ACTR3B: variants seen among roughly 807,000 people sequenced by gnomAD.
ACTR3B encodes the protein actin-related protein 3B.
A neutral mutation model predicts 59.0 loss-of-function variants in ACTR3B; 8 were observed. That is an observed-to-expected ratio of 0.14 (90% confidence interval 0.08 to 0.24). The LOEUF (loss-of-function observed/expected upper bound fraction) is 0.24, where lower values mean the gene tolerates loss of function less well. ACTR3B is among the 10% of genes least tolerant of loss of function. The pLI, the probability that ACTR3B is intolerant of heterozygous loss-of-function variation, is 1.00. For missense variants in ACTR3B, 245 were observed against 552.3 expected (o/e 0.44, Z 5.58); for synonymous variants, 148 against 197.9 (o/e 0.75, Z 2.12).
At position 152,846,399 on chromosome 7, in the gene ACTR3B, G is replaced by A. The variant is rs533064928; in HGVS notation, c.952-5727G>A. Reference sequence around the variant, plus strand: ...AGTCTGTAGTGAGCCCTAGTGCCCGGGGCTGTAGTCTGCAGTGAGCTCTAG... The same window carrying A: ...AGTCTGTAGTGAGCCCTAGTGCCCGAGGCTGTAGTCTGCAGTGAGCTCTAG... On this transcript the variant is annotated intron_variant, in intron 9 of 11. Coordinates refer to ENST00000256001, the MANE Select transcript of ACTR3B (RefSeq NM_020445.6). Among the ~76,000 whole-genome samples the A allele has an allele frequency of 1.2e-3, 168 of 145,424 alleles. 2 individuals are homozygous for A. Among genetic ancestry groups the A allele is most frequent in the African/African-American group, 4.0e-3 (157 of 39,074 alleles).
At chr7:152,800,740 C>T (rs989187274) in intron 3 of ACTR3B, 85 bp downstream of exon 3, 149 of 1,473,722 alleles carry the variant, frequency 1.0e-4, no homozygotes, top group Middle Eastern at 1.9e-4. Flanking sequence ...GTTGTATTTG[C>T]GAGTTGTAGA....
Position 152,854,432 on chromosome 7 carries a change from TTCTG to T in ACTR3B, c.1162-21_1162-18del. ...TGACTTTCTTCTGAAATGAGTGTCT[TTCTG>T]TCTGCCTGTTGCCTCTCGTAGCCCG... On this transcript the variant is annotated intron_variant, in intron 11 of 11. Coordinates refer to ENST00000256001, the MANE Select transcript of ACTR3B (RefSeq NM_020445.6). This position sits in a 1 kb window ranked among gnomAD's most constrained non-coding sequence, Gnocchi z 4.9. The T allele has an allele frequency of 6.2e-7, 1 of 1,603,662 alleles. No individual in the cohort carries two copies. Among genetic ancestry groups the T allele is most frequent in the East Asian group, 2.2e-5 (1 of 44,820 alleles).
intron 9 of ACTR3B, among the ~76,000 whole-genome samples, chr7:152,834,919 G>C (rs1797323210): frequency 6.6e-6 from 1 of 152,198 alleles, no homozygotes; most frequent in South Asian, 2.1e-4. Context: ...GTGGGCTGTG[G>C]GAGGGAATGA....
In ACTR3B at chr7:152,759,911, T is replaced by C; in HGVS notation, c.29T>C (p.Val10Ala). ...GCAGGCTCCCTGCCTCCCTGCGTGG[T>C]GGACTGTGGCACCGGGTAAGAGCAG... The part of the protein sequence containing the change: MAGSLPPCV[V>A]DCGTGYTKLG... Residue 10 changes from valine to alanine, a missense_variant, in exon 1 of 12, where the codon GTG becomes GCG. This residue lies in a region of ACTR3B where 15 missense variants were observed against 20.6 expected (regional missense o/e 0.73). Coordinates refer to ENST00000256001, the MANE Select transcript of ACTR3B (RefSeq NM_020445.6). 1.4e-6 allele frequency: 2 copies of C among 1,394,924 alleles called. No individual in the cohort carries two copies. The highest frequency in any genetic ancestry group is 1.9e-6 in the Non-Finnish European group (2 of 1,066,118). The allele number at this position is 1,394,924 out of a possible 1,614,324, so 86.4% of individuals were successfully genotyped here.
At position 152,854,516 on chromosome 7, in the gene ACTR3B, T is replaced by C; in HGVS notation, c.1220T>C (p.Ile407Thr). ...GACTATGAAGAGTACGGGCCCAGCA[T>C]CTGCCGCCACAACCCCGTCTTTGGA... is the stretch of plus-strand genomic sequence containing the variant. ...KKDYEEYGPS[I>T]CRHNPVFGVM... The change falls in exon 12 of 12, where the codon ATC (isoleucine) becomes ACC (threonine). Residue 407 changes from isoleucine to threonine, a missense_variant. Around this residue, in one of 7 missense-constraint regions of ACTR3B, gnomAD observed 153 missense variants for 266.2 expected, o/e 0.57. Transcript: ENST00000256001. The surrounding 1 kb of genome is among the most constrained non-coding windows in gnomAD (Gnocchi z 4.9). 6.2e-7 allele frequency: 1 copy of C among 1,614,160 alleles called. No individual in the cohort carries two copies. The highest frequency in any genetic ancestry group is 8.5e-7 in the Non-Finnish European group (1 of 1,180,036).
At chr7:152,809,719 A>G (rs13246511) in intron 4 of ACTR3B, among the ~76,000 whole-genome samples, 8 of 151,546 alleles carry the variant, frequency 5.3e-5, no homozygotes, top group Non-Finnish European at 1.0e-4. Context: ...ATTTTTGTAT[A>G]TTTAGTAGAG....
intron 1 of ACTR3B, among the ~76,000 whole-genome samples, chr7:152,773,191 C>T (rs1263724178): frequency 2.0e-5 from 3 of 147,834 alleles, no homozygotes; most frequent in East Asian, 3.9e-4. Flanking sequence ...CCTCACCTGG[C>T]ATGGACTCAA....
At chr7:152,792,616 G>A (rs7783581) in intron 2 of ACTR3B, among the ~76,000 whole-genome samples, 2,770 of 151,966 alleles carry the variant, frequency 0.018, 94 homozygotes, top group African/African-American at 0.063. Flanking sequence ...GTGTGGTGGC[G>A]TGCACCTGTA....
chr7:152,831,982 G>A (rs1797068906), intron 9 of ACTR3B, among the ~76,000 whole-genome samples: 1 of 152,178 alleles, frequency 6.6e-6, no homozygotes, highest in Middle Eastern at 3.2e-3. Flanking sequence ...CCCAACTTAA[G>A]TTCTAGAAAA....
intron 4 of ACTR3B, among the ~76,000 whole-genome samples, chr7:152,808,980 T>A (rs777771121): frequency 1.4e-4 from 22 of 152,236 alleles, no homozygotes; most frequent in Non-Finnish European, 3.1e-4. Flanking sequence ...CTGCATCTCT[T>A]ACTCATGTGC....
intron 9 of ACTR3B, 38 bp from the exon 10 acceptor site, chr7:152,852,088 G>A (rs77620966): frequency 2.9e-5 from 47 of 1,613,534 alleles, no homozygotes; most frequent in East Asian, 4.5e-5. Flanking sequence ...GTGGGCGGGC[G>A]GTTTTACCCA....
At chr7:152,853,734 C>T (rs553310857) in intron 11 of ACTR3B, among the ~76,000 whole-genome samples, 157 bp downstream of exon 11, 46 of 151,542 alleles carry the variant, frequency 3.0e-4, no homozygotes, top group Non-Finnish European at 3.1e-4. Flanking sequence ...TTTGTTTTTT[C>T]GAGATGGAGT....
intron 1 of ACTR3B, among the ~76,000 whole-genome samples, chr7:152,768,539 C>A (rs530324372): frequency 3.3e-5 from 5 of 151,964 alleles, no homozygotes; most frequent in Admixed American, 6.6e-5. Context: ...TGCAATGGAG[C>A]GATCTCGGCT....
intron 9 of ACTR3B, among the ~76,000 whole-genome samples, chr7:152,828,513 G>A (rs1401497268): frequency 6.6e-6 from 1 of 152,016 alleles, no homozygotes; most frequent in African/African-American, 2.4e-5. Flanking sequence ...AGCATGCCCC[G>A]AATCGTCTGT....
Position 152,854,055 on chromosome 7 carries a change from A to G in ACTR3B, c.1162-403A>G, listed in dbSNP as rs1799061991. On this transcript the variant is annotated intron_variant, in intron 11 of 11. Coordinates refer to ENST00000256001, the MANE Select transcript of ACTR3B (RefSeq NM_020445.6). The surrounding 1 kb of genome is among the most constrained non-coding windows in gnomAD (Gnocchi z 4.9). ...ATATAAACTATATCTTAATAATCAC[A>G]CAACACATTTATCACGTGTCCTTGC... Among the ~76,000 whole-genome samples the G allele has an allele frequency of 6.6e-6, 1 of 152,194 alleles. No individual in the cohort carries two copies. Among genetic ancestry groups the G allele is most frequent in the Admixed American group, 6.5e-5 (1 of 15,284 alleles).
chr7:152,824,690 G>T lies in ACTR3B; in HGVS notation c.859-340G>T, dbSNP rs1346023238. 6.6e-6 allele frequency among the ~76,000 whole-genome samples: 1 copy of T among 151,932 alleles called. No individual in the cohort carries two copies. Among genetic ancestry groups the T allele is most frequent in the Non-Finnish European group, 1.5e-5 (1 of 68,030 alleles). ...TTGTCAAATGATATGTCAAAGTCAT[G>T]TTTCTCACTGCGTGTCACATAGATC... On this transcript the variant is annotated intron_variant, in intron 8 of 11. Coordinates refer to ENST00000256001, the MANE Select transcript of ACTR3B (RefSeq NM_020445.6). The surrounding 1 kb of genome is among the most constrained non-coding windows in gnomAD (Gnocchi z 4.2).
At chr7:152,853,423 G>A (rs897124583) in intron 10 of ACTR3B, 71 bp from the exon 11 acceptor site, 36 of 1,464,310 alleles carry the variant, frequency 2.5e-5, no homozygotes, top group Admixed American at 8.9e-5. Flanking sequence ...CTGTGGTCTC[G>A]TCAGCCGGGG....
Position 152,845,064 on chromosome 7 carries a change from C to T in ACTR3B, c.952-7062C>T, listed in dbSNP as rs556882323. 6.0e-5 allele frequency among the ~76,000 whole-genome samples: 9 copies of T among 148,828 alleles called. 1 individual carries two copies. Among genetic ancestry groups the T allele is most frequent in the South Asian group, 4.4e-4 (2 of 4,530 alleles). The stretch of plus-strand genomic sequence containing the variant: ...CCACTTGCCATGGCCAAGTGGGGTC[C>T]GTTGCTGTCTTATCCACCACCTGCA... On this transcript the variant is annotated intron_variant, in intron 9 of 11. Coordinates refer to ENST00000256001, the MANE Select transcript of ACTR3B (RefSeq NM_020445.6).
At chr7:152,847,157 G>T (rs1241633982) in intron 9 of ACTR3B, among the ~76,000 whole-genome samples, 1 of 151,130 alleles carries the variant, frequency 6.6e-6, no homozygotes. Context: ...GCTGCAGTCT[G>T]TAGTGAGCTC....
Sources: gnomAD v4.1 joint callset for allele counts (sites outside exome capture counted in the v4.1 genomes callset) on GRCh38, gnomAD v4.1.1 for gene constraint, gnomAD v4.1.1 regional missense constraint, Gnocchi (gnomAD v3.1) non-coding constraint, MANE v1.5 for transcripts, NCBI Gene and HGNC (gene_info 2026-07-23, HGNC 2026-07-21) for gene names.